GSE1: variants seen among roughly 807,000 people sequenced by gnomAD.
The protein encoded by GSE1 is genetic suppressor element 1.
GSE1 carries 32 observed loss-of-function variants against 112.6 expected under a neutral mutation model. The observed-to-expected ratio is 0.28, with a 90% CI of 0.21 to 0.38. The LOEUF (loss-of-function observed/expected upper bound fraction) is 0.38. Among genes scored for constraint, GSE1 ranks in the 10% least tolerant of loss-of-function variants. GSE1 has a pLI of 1.00. For missense variants in GSE1, 2,348 were observed against 1,699.2 expected (o/e 1.38, Z -6.71); for synonymous variants, 1,115 against 735.6 (o/e 1.52, Z -8.35).
rs1012880823 is a variant in GSE1 at position 85,419,074 on chromosome 16, A to G, written c.2464+61431A>G. On this transcript the variant is annotated intron_variant, in intron 2 of 2. Transcript: ENST00000637419. This position sits in a 1 kb window ranked among gnomAD's most constrained non-coding sequence, Gnocchi z 6.5. ...TGGATATTTGAGTCTGGAGCTATGAATGTGGGCGTCCCAGCGCACAGATGG... is the reference window on the plus strand; with the variant it reads ...TGGATATTTGAGTCTGGAGCTATGAGTGTGGGCGTCCCAGCGCACAGATGG... Among the ~76,000 whole-genome samples the G allele has an allele frequency of 2.0e-5, 3 of 152,118 alleles. No individual in the cohort carries two copies. Among genetic ancestry groups the G allele is most frequent in the Non-Finnish European group, 4.4e-5 (3 of 68,032 alleles).
chr16:85,663,105 T>A lies in GSE1; in HGVS notation c.2373+12T>A. 1 of 1,556,278 alleles carries A rather than the reference T, an allele frequency of 6.4e-7. No individual in the cohort carries two copies. Among genetic ancestry groups the A allele is most frequent in the Non-Finnish European group, 8.9e-7 (1 of 1,129,726 alleles). The stretch of plus-strand genomic sequence containing the variant: ...ACACGTCCTCTGAGGTACTGGGCTC[T>A]CCTCCCCACGGACATGCTCTGGGCT... On this transcript the variant is annotated intron_variant, in intron 10 of 15. Transcript: ENST00000253458.
At chr16:85,596,280 G>A (rs988571801) in intron 1 of GSE1, among the ~76,000 whole-genome samples, 2 of 152,160 alleles carry the variant, frequency 1.3e-5, no homozygotes, top group Admixed American at 6.5e-5. Flanking sequence ...GCTGCAGAAC[G>A]CATCACTGAC....
upstream of GSE1, chr16:85,555,367 A>G (rs1324590442): frequency 1.0e-6 from 1 of 972,566 alleles, no homozygotes; most frequent in Admixed American, 6.4e-5. Flanking sequence ...CAGTGGTGGG[A>G]CGCCGGGCCA....
chr16:85,657,446 G>A lies in GSE1; in HGVS notation c.1482G>A (p.Glu494=). Residue 494 remains glutamate, a synonymous_variant, in exon 8 of 16, where the codon GAG becomes GAA. Coordinates refer to ENST00000253458, the MANE Select transcript of GSE1 (RefSeq NM_014615.5). ...TGCTGATCCAGCGCACCAATGAGGAGGAGAAGTGGCTGGCGCGGCAGCGGC... is the reference window on the plus strand; with the variant it reads ...TGCTGATCCAGCGCACCAATGAGGAAGAGAAGTGGCTGGCGCGGCAGCGGC... The part of the protein sequence containing the change: ...TALLIQRTNE[E]EKWLARQRRL... 6.2e-7 allele frequency: 1 copy of A among 1,612,612 alleles called. No homozygotes were observed. Among genetic ancestry groups the A allele is most frequent in the Non-Finnish European group, 8.5e-7 (1 of 1,179,794 alleles).
At chr16:85,336,395 A>T (rs554160687) in intron 1 of GSE1, among the ~76,000 whole-genome samples, 2 of 152,210 alleles carry the variant, frequency 1.3e-5, no homozygotes, top group Non-Finnish European at 2.9e-5. Flanking sequence ...GCTTTTGAAG[A>T]CAGAGCTTCA....
intron 2 of GSE1, among the ~76,000 whole-genome samples, chr16:85,386,325 G>A (rs1050316995): frequency 4.6e-5 from 7 of 152,196 alleles, no homozygotes; most frequent in African/African-American, 1.7e-4. Context: ...ATGCTGCCTG[G>A]GTCAAACCTG....
In GSE1 at chr16:85,341,263, C is replaced by T. The variant is rs568561071; in HGVS notation, c.2284-16200C>T. Among the ~76,000 whole-genome samples, 240 of 152,148 alleles carry T rather than the reference C, an allele frequency of 1.6e-3. 1 individual carries two copies. Among genetic ancestry groups the T allele is most frequent in the African/African-American group, 5.4e-3 (226 of 41,520 alleles). Reference sequence around the variant, plus strand: ...GGTTAGAGTGCAGTGGATCTCAGCTCACTGCAGCCTTGACCTCCTGGCCTC... The same window carrying T: ...GGTTAGAGTGCAGTGGATCTCAGCTTACTGCAGCCTTGACCTCCTGGCCTC... On this transcript the variant is annotated intron_variant, in intron 1 of 2. Transcript: ENST00000637419.
At chr16:85,238,637 C>T (rs1212702014) in intron 1 of GSE1, among the ~76,000 whole-genome samples, 1 of 152,168 alleles carries the variant, frequency 6.6e-6, no homozygotes, top group African/African-American at 2.4e-5. Flanking sequence ...GGGTTTGGGT[C>T]GGAGCTGGGG....
chr16:85,603,263 A>C (rs1386726976), intron 1 of GSE1, among the ~76,000 whole-genome samples: 1 of 152,200 alleles, frequency 6.6e-6, no homozygotes, highest in African/African-American at 2.4e-5. Flanking sequence ...CAGAGAGGGC[A>C]CCGTGTCCGT....
chr16:85,188,279 C>CTGT (rs1567598638), intron 1 of GSE1, among the ~76,000 whole-genome samples: 5 of 138,656 alleles, frequency 3.6e-5, no homozygotes, highest in South Asian at 2.4e-4. Flanking sequence ...CGTCTGTCTG[C>CTGT]GGGCCCTGTT....
chr16:85,356,624 C>G (rs2046956121), intron 1 of GSE1, among the ~76,000 whole-genome samples: 1 of 152,226 alleles, frequency 6.6e-6, no homozygotes, highest in Non-Finnish European at 1.5e-5. Context: ...GAAGACATCA[C>G]AATCACAGCC....
At chr16:85,195,622 TC>T (rs2074912116) in intron 1 of GSE1, among the ~76,000 whole-genome samples, 1 of 152,208 alleles carries the variant, frequency 6.6e-6, no homozygotes, top group African/African-American at 2.4e-5. Flanking sequence ...TAATCCCCTA[TC>T]GAGGTAAAGA....
intron 2 of GSE1, among the ~76,000 whole-genome samples, chr16:85,647,202 C>A (rs986077874): frequency 6.6e-6 from 1 of 152,196 alleles, no homozygotes; most frequent in Non-Finnish European, 1.5e-5. Flanking sequence ...CTTGGGGTAT[C>A]CTCTTGGCTG....
intron 8 of GSE1, among the ~76,000 whole-genome samples, chr16:85,660,481 G>T (rs1187920946): frequency 6.6e-6 from 1 of 152,040 alleles, no homozygotes; most frequent in Non-Finnish European, 1.5e-5. Flanking sequence ...TACTAAATAG[G>T]AAAAATTAGT....
chr16:85,488,777 C>T (rs1167927334), intron 2 of GSE1, among the ~76,000 whole-genome samples: 2 of 152,168 alleles, frequency 1.3e-5, no homozygotes, highest in East Asian at 1.9e-4. Context: ...AGCTTGAGCA[C>T]ACCAGAGAAT....
chr16:85,479,361 G>A (rs1244282440), intron 2 of GSE1, among the ~76,000 whole-genome samples: 2 of 151,534 alleles, frequency 1.3e-5, no homozygotes, highest in African/African-American at 2.4e-5. Context: ...TAGAGATGGG[G>A]TTTCATCATG....
chr16:85,498,757 G>T (rs1011871694), intron 2 of GSE1, among the ~76,000 whole-genome samples: 3 of 152,222 alleles, frequency 2.0e-5, no homozygotes, highest in Admixed American at 6.5e-5. Context: ...CACCTTCTTC[G>T]GCTTGGGCAG....
At chr16:85,521,947 C>T (rs745690463) in intron 2 of GSE1, among the ~76,000 whole-genome samples, 11 of 152,206 alleles carry the variant, frequency 7.2e-5, no homozygotes, top group Non-Finnish European at 1.0e-4. Context: ...AGCTGGGCCC[C>T]GCTCACAGAA....
In GSE1 at chr16:85,191,761, G is replaced by A. The variant is rs75346857; in HGVS notation, c.2283+19954G>A. Among the ~76,000 whole-genome samples, 935 of 152,278 alleles carry A rather than the reference G, an allele frequency of 6.1e-3. 19 individuals are homozygous for A. The highest frequency in any genetic ancestry group is 0.02 in the African/African-American group (836 of 41,558). On this transcript the variant is annotated intron_variant, in intron 1 of 2. Transcript: ENST00000637419. ...CCCTCACCTCGAGAGTAAACGCCCC[G>A]GGTGAGAAGGGCCGCTTGTGCTGAT...
Sources: allele counts gnomAD v4.1 joint callset (sites outside exome capture counted in the v4.1 genomes callset), GRCh38; gene constraint gnomAD v4.1.1; non-coding constraint Gnocchi (gnomAD v3.1); transcripts MANE v1.5; gene names NCBI Gene and HGNC (gene_info 2026-07-23, HGNC 2026-07-21).